Variants in CREB5 observed in about 807,000 individuals in gnomAD.
CREB5 encodes cAMP responsive element binding protein 5.
In CREB5, 19 loss-of-function variants were observed where a neutral mutation model predicts 57.1. The ratio of observed to expected loss-of-function variants is 0.33; its 90% CI spans 0.23 to 0.49. CREB5 has a LOEUF of 0.49. Ranked by LOEUF, CREB5 falls within the 20% of genes least tolerant of loss-of-function variation. The pLI, the probability that CREB5 is intolerant of heterozygous loss-of-function variation, is 0.99. For missense variants in CREB5, 579 were observed against 671.6 expected, an observed-to-expected ratio of 0.86 and a Z score of 1.52; for synonymous variants, 238 against 238.3, an observed-to-expected ratio of 1.00 and a Z score of 0.01.
intron 1 of CREB5, among the ~76,000 whole-genome samples, chr7:28,393,269 T>C (rs760946661): frequency 3.3e-5 from 5 of 152,336 alleles, no homozygotes; most frequent in South Asian, 4.1e-4. Context: ...ATATTTTTAC[T>C]GAGTCTGACT....
At chr7:28,369,041 C>T (rs1786645867) in intron 1 of CREB5, among the ~76,000 whole-genome samples, 1 of 149,272 alleles carries the variant, frequency 6.7e-6, no homozygotes, top group South Asian at 2.2e-4. Flanking sequence ...TGAGACCTTG[C>T]CTCAAAAAAA....
intron 7 of CREB5, among the ~76,000 whole-genome samples, chr7:28,766,883 A>G (rs1467617427): frequency 2.6e-5 from 4 of 152,240 alleles, no homozygotes; most frequent in Non-Finnish European, 4.4e-5. Flanking sequence ...TATGTACAAG[A>G]TAACTCTTGG....
intron 4 of CREB5, among the ~76,000 whole-genome samples, chr7:28,517,954 G>GT (rs527540212): frequency 2.6e-5 from 4 of 152,120 alleles, no homozygotes; most frequent in Admixed American, 6.5e-5. Context: ...AGACCGGTGT[G>GT]TATGATGACA....
At chr7:28,499,729 G>A (rs949733856) in intron 3 of CREB5, among the ~76,000 whole-genome samples, 1 of 152,122 alleles carries the variant, frequency 6.6e-6, no homozygotes, top group Non-Finnish European at 1.5e-5. Context: ...GATTACAGGC[G>A]TGCACCACCA....
At chr7:28,320,959 C>T (rs1048008162) in intron 1 of CREB5, among the ~76,000 whole-genome samples, 3 of 152,186 alleles carry the variant, frequency 2.0e-5, no homozygotes, top group Admixed American at 6.5e-5. Context: ...AACACGGACT[C>T]GGGAGCAAGA....
At chr7:28,424,261 C>T (rs2128011910) in intron 1 of CREB5, among the ~76,000 whole-genome samples, 1 of 152,296 alleles carries the variant, frequency 6.6e-6, no homozygotes, top group Non-Finnish European at 1.5e-5. Flanking sequence ...AGTTTGGACT[C>T]CAACATATCT....
intron 4 of CREB5, among the ~76,000 whole-genome samples, chr7:28,545,531 T>C (rs1415344918): frequency 6.6e-6 from 1 of 152,226 alleles, no homozygotes; most frequent in Non-Finnish European, 1.5e-5. Flanking sequence ...CTGGGTCATT[T>C]TGTTGTTCAT....
chr7:28,781,535 G>A (rs986749229), intron 7 of CREB5, among the ~76,000 whole-genome samples: 3 of 152,190 alleles, frequency 2.0e-5, no homozygotes, highest in African/African-American at 7.2e-5. Context: ...CTTTTGTGAA[G>A]ATCAAACAAT....
At chr7:28,581,818 G>A (rs1796134240) in intron 5 of CREB5, among the ~76,000 whole-genome samples, 1 of 152,188 alleles carries the variant, frequency 6.6e-6, no homozygotes, top group Non-Finnish European at 1.5e-5. Flanking sequence ...TAGAAGCAAG[G>A]GAGGCGCCAT....
intron 4 of CREB5, among the ~76,000 whole-genome samples, chr7:28,514,608 G>T (rs954516828): frequency 6.6e-6 from 1 of 152,150 alleles, no homozygotes; most frequent in Non-Finnish European, 1.5e-5. Context: ...TGTTAGTCAG[G>T]ATGGTCTCAA....
intron 1 of CREB5, among the ~76,000 whole-genome samples, chr7:28,453,801 C>T (rs1243068117): frequency 6.6e-6 from 1 of 152,194 alleles, no homozygotes; most frequent in Non-Finnish European, 1.5e-5. Flanking sequence ...TGCAAGCTGC[C>T]CCCAAGGGCA....
intron 1 of CREB5, among the ~76,000 whole-genome samples, chr7:28,310,804 ACAT>A (rs1785262139): frequency 6.6e-6 from 1 of 152,248 alleles, no homozygotes; most frequent in Non-Finnish European, 1.5e-5. Flanking sequence ...AATTATGCAG[ACAT>A]TAAAAAGAAG....
intron 4 of CREB5, among the ~76,000 whole-genome samples, chr7:28,546,003 C>A (rs1349473413): frequency 6.6e-6 from 1 of 152,184 alleles, no homozygotes; most frequent in Non-Finnish European, 1.5e-5. Context: ...GGAACATTTT[C>A]AGCCTCCCCA....
intron 1 of CREB5, among the ~76,000 whole-genome samples, chr7:28,314,876 T>TCGTGCCTTCTA (rs1209483012): frequency 6.6e-6 from 1 of 152,226 alleles, no homozygotes; most frequent in Non-Finnish European, 1.5e-5. Flanking sequence ...AATGGGCACA[T>TCGTGCCTTCTA]CAGCGTGTTG....
chr7:28,773,439 G>A lies in CREB5; in HGVS notation c.703-30760G>A, dbSNP rs1166391666. 1.3e-5 allele frequency among the ~76,000 whole-genome samples: 2 copies of A among 152,160 alleles called. 1 individual carries two copies. Among genetic ancestry groups the A allele is most frequent in the Non-Finnish European group, 2.9e-5 (2 of 68,028 alleles). ...TTAATTAAAGCTTTTAATAACTGAAGCTATTCCAGATAAATAGTATATTAC... is the reference window on the plus strand; with the variant it reads ...TTAATTAAAGCTTTTAATAACTGAAACTATTCCAGATAAATAGTATATTAC... On this transcript the variant is annotated intron_variant, in intron 7 of 10. Transcript: ENST00000357727.
At chr7:28,388,831 T>G (rs1358470536) in intron 1 of CREB5, among the ~76,000 whole-genome samples, 1 of 152,228 alleles carries the variant, frequency 6.6e-6, no homozygotes, top group Non-Finnish European at 1.5e-5. Flanking sequence ...AGTAGTAAAT[T>G]TCTCCCAAAT....
chr7:28,544,212 C>T (rs1331016364), intron 4 of CREB5, among the ~76,000 whole-genome samples: 1 of 151,964 alleles, frequency 6.6e-6, no homozygotes, highest in Non-Finnish European at 1.5e-5. Flanking sequence ...TTACATTTTG[C>T]TTCATTTGCT....
chr7:28,320,916 A>G (rs1785484752), intron 1 of CREB5, among the ~76,000 whole-genome samples: 1 of 152,236 alleles, frequency 6.6e-6, no homozygotes, highest in Admixed American at 6.5e-5. Flanking sequence ...ATTGATACGT[A>G]ATGCAGAGAG....
intron 4 of CREB5, among the ~76,000 whole-genome samples, chr7:28,523,809 G>A (rs1261798829): frequency 6.6e-6 from 1 of 152,144 alleles, no homozygotes; most frequent in Non-Finnish European, 1.5e-5. Context: ...AGCCTTCTCT[G>A]ATCTCCCCTC....
Sources: allele counts gnomAD v4.1 joint callset (sites outside exome capture counted in the v4.1 genomes callset), GRCh38; gene constraint gnomAD v4.1.1; transcripts MANE v1.5; gene names NCBI Gene and HGNC (gene_info 2026-07-23, HGNC 2026-07-21).